Variants in TRERF1 observed in about 807,000 individuals in gnomAD.
The protein encoded by TRERF1 is transcriptional-regulating factor 1.
A neutral mutation model predicts 122.9 loss-of-function variants in TRERF1; 27 were observed. The observed-to-expected ratio is 0.22, with a 90% confidence interval of 0.16 to 0.30. TRERF1 has a LOEUF of 0.30. Among genes scored for constraint, TRERF1 ranks in the 10% least tolerant of loss-of-function variants. TRERF1 has a pLI of 1.00. For synonymous variants in TRERF1, 636 were observed against 641.7 expected (o/e 0.99, Z 0.13); for missense variants, 1,248 against 1,560.3 (o/e 0.80, Z 3.37).
Position 42,229,137 on chromosome 6 carries a change from G to T in TRERF1, c.3279-468C>A, listed in dbSNP as rs369205742. Reference sequence around the variant, plus strand: ...GAAAGTTGTTGGTTTTGTTGTTGTTGTTGTTGTTGTTTTAAATAGAGACAG... The same window carrying T: ...GAAAGTTGTTGGTTTTGTTGTTGTTTTTGTTGTTGTTTTAAATAGAGACAG... On this transcript the variant is annotated intron_variant, in intron 17 of 17. Transcript: ENST00000372922. 1.5e-4 allele frequency among the ~76,000 whole-genome samples: 23 copies of T among 152,196 alleles called. 2 individuals carry two copies. Among genetic ancestry groups the T allele is most frequent in the East Asian group, 3.9e-4 (2 of 5,176 alleles).
rs377348364 is a variant in TRERF1, at chr6:42,259,890, G to A, written c.1885-167C>T. On this transcript the variant is annotated intron_variant, in intron 8 of 17. Coordinates refer to ENST00000372922, the Ensembl canonical transcript of TRERF1. This position sits in a 1 kb window ranked among gnomAD's most constrained non-coding sequence, Gnocchi z 4.9. Reference sequence around the variant, plus strand: ...TGACCACATCCATTTTAGGCAAAGCGAGTTCTGGTTGCTAGACTAGGGAGA... The same window carrying A: ...TGACCACATCCATTTTAGGCAAAGCAAGTTCTGGTTGCTAGACTAGGGAGA... Among the ~76,000 whole-genome samples the A allele has an allele frequency of 1.6e-4, 25 of 151,894 alleles. No homozygotes were observed. The highest frequency in any genetic ancestry group is 5.8e-4 in the African/African-American group (24 of 41,420).
Position 42,325,328 on chromosome 6 carries a change from A to G in TRERF1, c.-370-24579T>C, listed in dbSNP as rs574110533. 3.3e-5 allele frequency among the ~76,000 whole-genome samples: 5 copies of G among 152,368 alleles called. No individual in the cohort carries two copies. The South Asian group carries it at 1.0e-3, about 32-fold the overall frequency. On this transcript the variant is annotated intron_variant, in intron 3 of 17. Coordinates refer to ENST00000372922, the Ensembl canonical transcript of TRERF1. ...GATGGGAGTGTAAATTAGTTCAGCC[A>G]CCATGGAAAGCAGTTTGGAGACTTC... is the stretch of plus-strand genomic sequence containing the variant.
intron 2 of TRERF1, among the ~76,000 whole-genome samples, chr6:42,415,964 T>G (rs1008607339): frequency 1.3e-5 from 2 of 152,128 alleles, no homozygotes; most frequent in African/African-American, 4.8e-5. Flanking sequence ...CAAGATTATA[T>G]TATTTTTCTC....
intron 3 of TRERF1, among the ~76,000 whole-genome samples, chr6:42,356,401 G>T (rs1292139405): frequency 6.6e-6 from 1 of 152,188 alleles, no homozygotes; most frequent in African/African-American, 2.4e-5. Flanking sequence ...GATCTTATAA[G>T]AAGAGGAAGA....
At chr6:42,330,061 C>A (rs141252620) in intron 3 of TRERF1, among the ~76,000 whole-genome samples, 1 of 151,798 alleles carries the variant, frequency 6.6e-6, no homozygotes, top group Non-Finnish European at 1.5e-5. Flanking sequence ...GTCAACAAAA[C>A]GAAAAAATTA....
intron 2 of TRERF1, among the ~76,000 whole-genome samples, chr6:42,396,791 G>A (rs967900758): frequency 6.6e-6 from 1 of 152,190 alleles, no homozygotes; most frequent in African/African-American, 2.4e-5. Context: ...CTGGGATGGT[G>A]GGAGGAGAAT....
In TRERF1 at chr6:42,276,719, T is replaced by C. The variant is rs2149993990; in HGVS notation, c.-258-6871A>G. On this transcript the variant is annotated intron_variant, in intron 4 of 17. Coordinates refer to ENST00000372922, the Ensembl canonical transcript of TRERF1. This position sits in a 1 kb window ranked among gnomAD's most constrained non-coding sequence, Gnocchi z 4.3. ...ACAGTGGTTAGCATCTAAATCTTCCTCCCTGCAGTGAGTGGTTTGCTCTTA... is the reference window on the plus strand; with the variant it reads ...ACAGTGGTTAGCATCTAAATCTTCCCCCCTGCAGTGAGTGGTTTGCTCTTA... Among the ~76,000 whole-genome samples, 1 of 152,368 alleles carries C rather than the reference T, an allele frequency of 6.6e-6. No individual in the cohort carries two copies. The highest frequency in any genetic ancestry group is 2.4e-5 in the African/African-American group (1 of 41,588).
At chr6:42,318,920 A>T (rs1199539595) in intron 3 of TRERF1, among the ~76,000 whole-genome samples, 1 of 152,188 alleles carries the variant, frequency 6.6e-6, no homozygotes, top group Non-Finnish European at 1.5e-5. Flanking sequence ...CCAGCCAGAG[A>T]CTACATTTCC....
intron 2 of TRERF1, among the ~76,000 whole-genome samples, chr6:42,408,623 C>T (rs1360427887): frequency 6.6e-6 from 1 of 151,894 alleles, no homozygotes; most frequent in African/African-American, 2.4e-5. Context: ...GGTGATCCAC[C>T]CACCTTGGCC....
At chr6:42,284,375 T>TA (rs1194812014) in intron 4 of TRERF1, among the ~76,000 whole-genome samples, 1 of 152,212 alleles carries the variant, frequency 6.6e-6, no homozygotes. Flanking sequence ...TGCCAGTCTT[T>TA]AATAGTTGTC....
intron 2 of TRERF1, among the ~76,000 whole-genome samples, chr6:42,429,690 C>T (rs1009480695): frequency 1.5e-4 from 23 of 152,240 alleles, no homozygotes; most frequent in Admixed American, 4.6e-4. Flanking sequence ...CATATATTTA[C>T]GGAGCGCCTA....
At chr6:42,385,835 C>T (rs1006281646) in intron 2 of TRERF1, among the ~76,000 whole-genome samples, 12 of 152,226 alleles carry the variant, frequency 7.9e-5, no homozygotes, top group Admixed American at 2.0e-4. Flanking sequence ...CTTCTCTGCA[C>T]AGTCATAAAA....
chr6:42,393,094 C>A lies in TRERF1; in HGVS notation c.-453-30015G>T, dbSNP rs533722234. Among the ~76,000 whole-genome samples, 1 of 152,212 alleles carries A rather than the reference C, an allele frequency of 6.6e-6. No homozygotes were observed. On this transcript the variant is annotated intron_variant, in intron 2 of 17. Coordinates refer to ENST00000372922, the Ensembl canonical transcript of TRERF1. This position sits in a 1 kb window ranked among gnomAD's most constrained non-coding sequence, Gnocchi z 4.1. Reference sequence around the variant, plus strand: ...GAGCTGGTGCGAGCCAGCTTCCACACGCATCACCGATCTAGGTCCTATTGT... The same window carrying A: ...GAGCTGGTGCGAGCCAGCTTCCACAAGCATCACCGATCTAGGTCCTATTGT...
chr6:42,407,578 T>C (rs1016469606), intron 2 of TRERF1, among the ~76,000 whole-genome samples: 2 of 152,088 alleles, frequency 1.3e-5, no homozygotes, highest in African/African-American at 4.8e-5. Context: ...GACTGGGAGC[T>C]TGAGAAGAGA....
chr6:42,234,885 T>A (rs1315006858), intron 16 of TRERF1, among the ~76,000 whole-genome samples: 1 of 152,186 alleles, frequency 6.6e-6, no homozygotes, highest in African/African-American at 2.4e-5. Context: ...TTATTGTACA[T>A]AGAGCTATGA....
chr6:42,413,047 C>G (rs907685854), intron 2 of TRERF1, among the ~76,000 whole-genome samples: 1 of 152,186 alleles, frequency 6.6e-6, no homozygotes, highest in Non-Finnish European at 1.5e-5. Context: ...GTCAACCGAC[C>G]AAATGTGCCC....
chr6:42,397,667 A>G (rs1778823033), intron 2 of TRERF1, among the ~76,000 whole-genome samples: 1 of 152,110 alleles, frequency 6.6e-6, no homozygotes, highest in South Asian at 2.1e-4. Context: ...ACCCCACTCT[A>G]TTAAACAGAA....
At chr6:42,371,558 A>G (rs73733160) in intron 2 of TRERF1, among the ~76,000 whole-genome samples, 9,735 of 152,268 alleles carry the variant, frequency 0.064, 856 homozygotes, top group African/African-American at 0.2. Flanking sequence ...CTCCAAAGGC[A>G]AAGGACATTT....
In TRERF1 at chr6:42,232,095, G is replaced by A. The variant is rs1333092874; in HGVS notation, c.3278+586C>T. On this transcript the variant is annotated intron_variant, in intron 17 of 17. Transcript: ENST00000372922. The surrounding 1 kb of genome is among the most constrained non-coding windows in gnomAD (Gnocchi z 4.5). ...TGTTTTTTAAATTATACCTAAAAGG[G>A]GAGGATAACAAATAGGTTTTATTTC... is the stretch of plus-strand genomic sequence containing the variant. Among the ~76,000 whole-genome samples, 4 of 152,078 alleles carry A rather than the reference G, an allele frequency of 2.6e-5. No individual in the cohort carries two copies. The highest frequency in any genetic ancestry group is 2.6e-4 in the Admixed American group (4 of 15,278).
Sources: allele counts gnomAD v4.1 joint callset (sites outside exome capture counted in the v4.1 genomes callset), GRCh38; gene constraint gnomAD v4.1.1; non-coding constraint Gnocchi (gnomAD v3.1); transcripts MANE v1.5; gene names NCBI Gene and HGNC (gene_info 2026-07-23, HGNC 2026-07-21).